The following ACER1 variants were observed in gnomAD, a reference collection of about 807,000 sequenced individuals.
ACER1 encodes CTB-180A7.3.
Under a neutral mutation model 24.9 loss-of-function variants are expected in ACER1, and 28 were observed. The ratio of observed to expected loss-of-function variants is 1.13; its 90% CI spans 0.83 to 1.54. The LOEUF (loss-of-function observed/expected upper bound fraction) is 1.54, where lower values mean the gene tolerates loss of function less well. Ranked by LOEUF, ACER1 falls within the 40% of genes most tolerant of loss-of-function variation. ACER1 has a pLI of 0.00. For missense variants in ACER1, 352 were observed against 349.3 expected, an observed-to-expected ratio of 1.01 and a Z score of -0.06; for synonymous variants, 132 against 131.4, an observed-to-expected ratio of 1.00 and a Z score of -0.03.
the ACER1 span, among the ~76,000 whole-genome samples, chr19:6,347,961 G>A: frequency 6.6e-6 from 1 of 151,180 alleles, no homozygotes; most frequent in South Asian, 2.1e-4. Flanking sequence ...AGGCCAAGGT[G>A]GGGGGCGGAT....
At chr19:6,310,898 AAGG>A (rs1482067607) in intron 3 of ACER1, among the ~76,000 whole-genome samples, 7 of 150,344 alleles carry the variant, frequency 4.7e-5, no homozygotes, top group Non-Finnish European at 7.4e-5. Context: ...AAAAAAGAAG[AAGG>A]AGAAGGAGAA....
chr19:6,306,480 T>A lies in ACER1; in HGVS notation c.*234A>T. On this transcript the variant is annotated 3_prime_UTR_variant, in exon 6 of 6. Coordinates refer to ENST00000301452, the MANE Select transcript of ACER1 (RefSeq NM_133492.3). ...AGGAAATGAAAGAGGATGGGGGGGG[T>A]CATGGAGGGGAGATGCACGAGACAG... 2.2e-6 allele frequency: 1 copy of A among 447,972 alleles called. No homozygotes were observed. The highest frequency in any genetic ancestry group is 4.0e-6 in the Non-Finnish European group (1 of 251,162). The allele number at this position is 447,972 out of a possible 1,614,324, so 27.7% of individuals were successfully genotyped here. A position where few individuals can be genotyped will look rare whatever the true frequency, so the allele number is the denominator to read the frequency against.
chr19:6,350,584 G>GAA, the ACER1 span, among the ~76,000 whole-genome samples: 1 of 126,772 alleles, frequency 7.9e-6, no homozygotes, highest in Non-Finnish European at 1.6e-5. Context: ...AAAAAAGAAA[G>GAA]AAGAGAAAAG....
intron 4 of ACER1, among the ~76,000 whole-genome samples, chr19:6,309,335 A>G (rs2144995577): frequency 6.6e-6 from 1 of 152,262 alleles, no homozygotes; most frequent in African/African-American, 2.4e-5. Flanking sequence ...ATTGGGCAAC[A>G]TGACGAAACC....
chr19:6,340,739 C>T, the ACER1 span, among the ~76,000 whole-genome samples: 1 of 152,096 alleles, frequency 6.6e-6, no homozygotes, highest in Non-Finnish European at 1.5e-5. Flanking sequence ...GATCATGGTG[C>T]TGACTAGGGA....
the ACER1 span, among the ~76,000 whole-genome samples, chr19:6,343,434 T>C: frequency 7.9e-5 from 12 of 151,970 alleles, no homozygotes; most frequent in Non-Finnish European, 1.8e-4. Flanking sequence ...ACTCCCAATA[T>C]GTGGCCTCCA....
At chr19:6,317,718 T>C (rs1281069763) in intron 1 of ACER1, among the ~76,000 whole-genome samples, 1 of 152,096 alleles carries the variant, frequency 6.6e-6, no homozygotes, top group Non-Finnish European at 1.5e-5. Context: ...CAACTTTTTT[T>C]GTTGTTGTTT....
rs12611422 is a variant in ACER1 at position 6,309,551 on chromosome 19, C to T, written c.488+146G>A. On this transcript the variant is annotated intron_variant, in intron 4 of 5. Transcript: ENST00000301452. ...AAAAAAATAATAATAAGGACAAACT[C>T]TGCAGTCAGTCAGGTTCAAATCCTG... 5.8e-6 allele frequency: 6 copies of T among 1,039,476 alleles called. No homozygotes were observed. The East Asian group carries it at 1.5e-4, about 25-fold the overall frequency. 64.4% of individuals were successfully genotyped at this position (1,039,476 alleles called of 1,614,324 possible).
At chr19:6,358,016 GAGGAGTGA>G in the ACER1 span, among the ~76,000 whole-genome samples, 2 of 152,158 alleles carry the variant, frequency 1.3e-5, no homozygotes, top group South Asian at 2.1e-4. Context: ...GCAGCGTCCG[GAGGAGTGA>G]AGGAGTGGAG....
the ACER1 span, among the ~76,000 whole-genome samples, chr19:6,358,925 C>G: frequency 2.1e-5 from 2 of 94,086 alleles, no homozygotes; most frequent in African/African-American, 1.5e-4. Flanking sequence ...AAGAGCAAAA[C>G]TCTGTCTCAA....
chr19:6,352,948 AG>A, the ACER1 span, among the ~76,000 whole-genome samples: 1 of 152,244 alleles, frequency 6.6e-6, no homozygotes, highest in Non-Finnish European at 1.5e-5. Flanking sequence ...CCAGTAGGGC[AG>A]GTTGATTTGG....
chr19:6,309,073 C>A (rs1453306112), intron 4 of ACER1, among the ~76,000 whole-genome samples: 1 of 152,144 alleles, frequency 6.6e-6, no homozygotes, highest in South Asian at 2.1e-4. Flanking sequence ...GTGGCATACA[C>A]CTGTACTCCC....
At position 6,309,789 on chromosome 19, in the gene ACER1, G is replaced by A; in HGVS notation, c.396C>T (p.Thr132=). ...CCGTGGGCCGCAGGAAGGACAGAAG[G>A]GTGCTGACCACAGTGGTGATGAAGA... The part of the protein sequence containing the change: ...RLVFITTVVS[T]LLSFLRPTVN... The change falls in exon 4 of 6, where the codon ACC becomes ACT. Residue 132 remains threonine, a synonymous_variant. Transcript: ENST00000301452. 3.1e-6 allele frequency: 5 copies of A among 1,614,112 alleles called. No individual in the cohort carries two copies. In the South Asian group the frequency reaches 3.3e-5, roughly 11 times the overall value.
intron 3 of ACER1, 30 bp downstream of exon 3, chr19:6,312,119 C>A: frequency 6.2e-7 from 1 of 1,609,024 alleles, no homozygotes; most frequent in Non-Finnish European, 8.5e-7. Context: ...TCAGACCCCA[C>A]CCTGTCCAGA....
At chr19:6,319,561 A>G (rs886313850) in intron 1 of ACER1, among the ~76,000 whole-genome samples, 1 of 151,848 alleles carries the variant, frequency 6.6e-6, no homozygotes. Context: ...AGTACCTACT[A>G]TGTGCTCAAG....
At chr19:6,329,511 T>C (rs1179333341) in intron 1 of ACER1, among the ~76,000 whole-genome samples, 1 of 152,136 alleles carries the variant, frequency 6.6e-6, no homozygotes, top group East Asian at 1.9e-4. Context: ...ATGATGATGA[T>C]GTAAAATTTC....
chr19:6,317,908 C>T (rs1242112851), intron 1 of ACER1, among the ~76,000 whole-genome samples: 4 of 152,020 alleles, frequency 2.6e-5, no homozygotes, highest in Admixed American at 1.3e-4. Context: ...GCACTCACCA[C>T]CATGTATGTC....
chr19:6,312,076 C>T (rs1440498176), intron 3 of ACER1, 73 bp downstream of exon 3: 28 of 1,542,420 alleles, frequency 1.8e-5, no homozygotes, highest in Admixed American at 9.7e-5. Context: ...ACCCAGGGGA[C>T]TCAGGTGAGC....
intron 1 of ACER1, among the ~76,000 whole-genome samples, chr19:6,317,437 T>C (rs1016869835): frequency 1.3e-5 from 2 of 152,244 alleles, no homozygotes; most frequent in African/African-American, 4.8e-5. Context: ...ACAGGGGCCA[T>C]GCCAACGCCT....
Sources: gnomAD v4.1 joint callset for allele counts (sites outside exome capture counted in the v4.1 genomes callset) on GRCh38, gnomAD v4.1.1 for gene constraint, MANE v1.5 for transcripts, NCBI Gene and HGNC (gene_info 2026-07-23, HGNC 2026-07-21) for gene names.